The following CCDC141 variants were observed in gnomAD, a reference collection of about 807,000 sequenced individuals.
CCDC141 encodes the protein coiled-coil domain containing 141, also known as coiled-coil domain-containing protein 141.
In CCDC141, 168 loss-of-function variants were observed where a neutral mutation model predicts 181.0. The ratio of observed to expected loss-of-function variants is 0.93; its 90% CI spans 0.82 to 1.05. CCDC141 has a LOEUF of 1.05. CCDC141 is among the 50% of genes least tolerant of loss of function. The pLI is 0.00. For missense variants in CCDC141, 1,902 were observed against 1,788.5 expected, an observed-to-expected ratio of 1.06 and a Z score of -1.14; for synonymous variants, 666 against 642.3, an observed-to-expected ratio of 1.04 and a Z score of -0.56.
At chr2:178,892,209 A>C (rs1037756094) in intron 8 of CCDC141, among the ~76,000 whole-genome samples, 1 of 148,408 alleles carries the variant, frequency 6.7e-6, no homozygotes, top group South Asian at 2.1e-4. Context: ...CAAATTTATC[A>C]TGTGTAGTTT....
At chr2:178,854,340 C>T (rs967275638) in intron 19 of CCDC141, among the ~76,000 whole-genome samples, 4 of 151,910 alleles carry the variant, frequency 2.6e-5, no homozygotes, top group Non-Finnish European at 2.9e-5. Flanking sequence ...CTGGCTAACA[C>T]GGTGAAACCC....
At chr2:178,898,394 C>G (rs1363243297) in intron 8 of CCDC141, among the ~76,000 whole-genome samples, 1 of 152,144 alleles carries the variant, frequency 6.6e-6, no homozygotes, top group African/African-American at 2.4e-5. Flanking sequence ...AGCTAAACTT[C>G]TTTCTTTTAT....
At chr2:178,965,205 G>T (rs1690572568) in intron 4 of CCDC141, among the ~76,000 whole-genome samples, 1 of 152,150 alleles carries the variant, frequency 6.6e-6, no homozygotes, top group African/African-American at 2.4e-5. Context: ...CCAGTGGGAT[G>T]GTTTCTCTTG....
At chr2:179,026,989 A>T (rs547745910) in intron 2 of CCDC141, among the ~76,000 whole-genome samples, 1 of 152,336 alleles carries the variant, frequency 6.6e-6, no homozygotes, top group South Asian at 2.1e-4. Context: ...CATTGTATCT[A>T]GGAAATAACT....
intron 7 of CCDC141, among the ~76,000 whole-genome samples, chr2:178,915,280 TATATG>T (rs1404543363): frequency 6.6e-6 from 1 of 152,186 alleles, no homozygotes; most frequent in Non-Finnish European, 1.5e-5. Context: ...AAAAGGAATA[TATATG>T]ATATGAGAAA....
At chr2:179,036,580 G>A (rs1184125406) in intron 2 of CCDC141, among the ~76,000 whole-genome samples, 2 of 152,172 alleles carry the variant, frequency 1.3e-5, no homozygotes, top group African/African-American at 4.8e-5. Flanking sequence ...AGCGAGGCAG[G>A]GAAAGTCACC....
chr2:178,850,944 G>A (rs1184890565), intron 20 of CCDC141, among the ~76,000 whole-genome samples: 2 of 152,092 alleles, frequency 1.3e-5, no homozygotes, highest in South Asian at 2.1e-4. Context: ...AGTGTCTCGC[G>A]CCTGTAATCC....
intron 4 of CCDC141, among the ~76,000 whole-genome samples, chr2:178,971,480 A>G (rs1335229886): frequency 6.6e-6 from 1 of 152,210 alleles, no homozygotes; most frequent in Non-Finnish European, 1.5e-5. Flanking sequence ...GTGGGAGTGT[A>G]AACTAGTTCA....
At chr2:178,965,644 C>A (rs1200608533) in intron 4 of CCDC141, among the ~76,000 whole-genome samples, 1 of 152,200 alleles carries the variant, frequency 6.6e-6, no homozygotes, top group African/African-American at 2.4e-5. Context: ...CCCTCCAGTG[C>A]CCACCCCACC....
chr2:179,013,702 T>C lies in CCDC141; in HGVS notation c.225+33582A>G, dbSNP rs997274024. On this transcript the variant is annotated intron_variant, in intron 2 of 23. Transcript: ENST00000443758. ...ATAAATCTAGACAGGGCGCAGTGGC[T>C]CATGCCTATAATTCCAGCACTTTGG... Among the ~76,000 whole-genome samples, 7 of 152,144 alleles carry C rather than the reference T, an allele frequency of 4.6e-5. No homozygotes were observed. In the East Asian group the frequency reaches 1.2e-3, roughly 25 times the overall value.
At chr2:178,914,473 A>G (rs917262728) in intron 7 of CCDC141, among the ~76,000 whole-genome samples, 133 of 152,256 alleles carry the variant, frequency 8.7e-4, no homozygotes, top group African/African-American at 3.1e-3. Flanking sequence ...CCAGGTCCAA[A>G]CATCCGTATC....
chr2:178,836,806 C>G (rs1575112295), intron 23 of CCDC141, 88 bp downstream of exon 23: 20 of 1,451,412 alleles, frequency 1.4e-5, no homozygotes, highest in Non-Finnish European at 1.9e-5. Flanking sequence ...TCAGCTAGCC[C>G]TAAACCTTTC....
chr2:179,013,143 G>C (rs553710621), intron 2 of CCDC141, among the ~76,000 whole-genome samples: 4 of 152,144 alleles, frequency 2.6e-5, no homozygotes, highest in Admixed American at 2.6e-4. Context: ...AAGAAATAAA[G>C]GGCATCCAAA....
intron 19 of CCDC141, 135 bp downstream of exon 19, chr2:178,855,212 G>T: frequency 1.4e-6 from 1 of 692,538 alleles, no homozygotes; most frequent in Non-Finnish European, 2.4e-6. Flanking sequence ...ATTATCCTAA[G>T]GAAAAAAAAT....
chr2:178,835,360 A>C (rs1684435334), intron 23 of CCDC141, among the ~76,000 whole-genome samples: 1 of 152,214 alleles, frequency 6.6e-6, no homozygotes, highest in African/African-American at 2.4e-5. Flanking sequence ...TATGACTATT[A>C]ATAACATATT....
chr2:178,984,892 C>T (rs1286712730), intron 2 of CCDC141, among the ~76,000 whole-genome samples: 5 of 151,290 alleles, frequency 3.3e-5, no homozygotes, highest in African/African-American at 9.7e-5. Context: ...CCACTGTCAA[C>T]ATTAGACAGA....
intron 2 of CCDC141, 128 bp from the exon 3 acceptor site, chr2:178,978,803 G>C (rs1446331023): frequency 1.4e-6 from 1 of 697,158 alleles, no homozygotes. Context: ...AACACAAACT[G>C]TTATGCAAGA....
chr2:178,924,904 G>C (rs1284037677), intron 6 of CCDC141, among the ~76,000 whole-genome samples: 2 of 152,298 alleles, frequency 1.3e-5, no homozygotes, highest in East Asian at 3.9e-4. Flanking sequence ...AGCTAGAGTG[G>C]TACACTTTTT....
chr2:178,853,504 G>T lies in CCDC141; in HGVS notation c.3181C>A (p.Pro1061Thr), dbSNP rs1575131112. 8 of 1,614,126 alleles carry T rather than the reference G, an allele frequency of 5.0e-6. No individual in the cohort carries two copies. The highest frequency in any genetic ancestry group is 1.1e-5 in the South Asian group (1 of 91,076). The change falls in exon 20 of 24, where the codon CCC becomes ACC. Residue 1061 changes from proline to threonine, a missense_variant. Coordinates refer to ENST00000443758, the MANE Select transcript of CCDC141 (RefSeq NM_173648.4). ...LHQQFNKFIA[P>T]SVPQQEERIQ... ...CTTTCTTCTTGCTGCGGCACTGAGG[G>T]TGCAATAAACTTATTAAACTGCTGG...
Sources: allele counts gnomAD v4.1 joint callset (sites outside exome capture counted in the v4.1 genomes callset), GRCh38; gene constraint gnomAD v4.1.1; transcripts MANE v1.5; gene names NCBI Gene and HGNC (gene_info 2026-07-23, HGNC 2026-07-21).